CMSS1: variants seen among roughly 807,000 people sequenced by gnomAD.
CMSS1 encodes the protein protein CMSS1.
In CMSS1, 33 loss-of-function variants were observed where a neutral mutation model predicts 43.5. The observed-to-expected ratio is 0.76, with a 90% CI of 0.57 to 1.01. The LOEUF (loss-of-function observed/expected upper bound fraction) is 1.01. Among genes scored for constraint, CMSS1 ranks in the 50% least tolerant of loss-of-function variants. The pLI is 0.00. For missense variants in CMSS1, 313 were observed against 326.4 expected (o/e 0.96, Z 0.32); for synonymous variants, 115 against 117.2 (o/e 0.98, Z 0.12).
At chr3:100,101,551 C>G (rs935460256) in intron 1 of CMSS1, among the ~76,000 whole-genome samples, 3 of 151,954 alleles carry the variant, frequency 2.0e-5, no homozygotes, top group Admixed American at 2.0e-4. Context: ...ATAAATATAC[C>G]CTTCAAAGTA....
At chr3:99,996,138 C>A (rs541138897) in intron 1 of CMSS1, among the ~76,000 whole-genome samples, 48 of 152,322 alleles carry the variant, frequency 3.2e-4, no homozygotes, top group African/African-American at 1.2e-3. Flanking sequence ...ATGCCTATAA[C>A]AGCACCCAGG....
At chr3:99,964,974 A>T (rs1708605975) in intron 1 of CMSS1, among the ~76,000 whole-genome samples, 1 of 152,198 alleles carries the variant, frequency 6.6e-6, no homozygotes. Flanking sequence ...AAGAAACATG[A>T]TCCTTTTCAT....
At chr3:100,064,562 G>A (rs2065629774) in intron 1 of CMSS1, among the ~76,000 whole-genome samples, 1 of 152,144 alleles carries the variant, frequency 6.6e-6, no homozygotes, top group Non-Finnish European at 1.5e-5. Context: ...ATTATATGTA[G>A]AGAACTTTAA....
chr3:100,086,659 T>A (rs1468290277), intron 1 of CMSS1, among the ~76,000 whole-genome samples: 1 of 152,192 alleles, frequency 6.6e-6, no homozygotes, highest in Non-Finnish European at 1.5e-5. Flanking sequence ...CTTTAAATTT[T>A]TGATAAAAAT....
At chr3:99,981,615 T>A (rs1709127103) in intron 1 of CMSS1, among the ~76,000 whole-genome samples, 1 of 152,196 alleles carries the variant, frequency 6.6e-6, no homozygotes, top group Admixed American at 6.5e-5. Flanking sequence ...TATGTATGAA[T>A]CCCCGTTTTG....
intron 1 of CMSS1, among the ~76,000 whole-genome samples, chr3:99,858,514 A>G (rs765291580): frequency 6.6e-6 from 1 of 152,188 alleles, no homozygotes; most frequent in Non-Finnish European, 1.5e-5. Flanking sequence ...AAATAATAAT[A>G]AATCCATCAT....
At chr3:99,944,282 G>T (rs1245258163) in intron 1 of CMSS1, among the ~76,000 whole-genome samples, 2 of 152,174 alleles carry the variant, frequency 1.3e-5, no homozygotes, top group Non-Finnish European at 2.9e-5. Flanking sequence ...TTGTTTAGTA[G>T]AGAGGTGATA....
At chr3:100,159,790 C>G (rs1016795928) in intron 2 of CMSS1, 9 of 401,336 alleles carry the variant, frequency 2.2e-5, no homozygotes, top group Non-Finnish European at 4.6e-5. Flanking sequence ...ACTCAGGGGT[C>G]AAGGCAACAG....
At chr3:99,930,781 C>G in intron 1 of CMSS1, 3 of 1,613,296 alleles carry the variant, frequency 1.9e-6, no homozygotes, top group Non-Finnish European at 8.5e-7. Context: ...GCAGTTCTCC[C>G]TCCAGAATGC....
At chr3:100,150,537 C>T (rs1431494011) in intron 2 of CMSS1, among the ~76,000 whole-genome samples, 1 of 152,176 alleles carries the variant, frequency 6.6e-6, no homozygotes, top group Non-Finnish European at 1.5e-5. Flanking sequence ...CCCTCCTTTG[C>T]CATAGCTGGG....
At chr3:99,961,965 A>C (rs1305651655) in intron 1 of CMSS1, among the ~76,000 whole-genome samples, 1 of 152,198 alleles carries the variant, frequency 6.6e-6, no homozygotes, top group African/African-American at 2.4e-5. Context: ...TATTAATAGC[A>C]GAGTGGCAAG....
chr3:100,126,976 C>T (rs1198859859), intron 1 of CMSS1, among the ~76,000 whole-genome samples: 3 of 149,666 alleles, frequency 2.0e-5, no homozygotes, highest in East Asian at 2.0e-4. Context: ...CTAGCCTGGG[C>T]GACAGAGTGA....
chr3:100,126,911 T>C (rs1015507423), intron 1 of CMSS1, among the ~76,000 whole-genome samples: 38 of 151,618 alleles, frequency 2.5e-4, no homozygotes, highest in African/African-American at 8.7e-4. Flanking sequence ...GGCAGGAGAA[T>C]GGTGTGAACC....
chr3:100,022,327 A>G (rs2064840642), intron 1 of CMSS1, among the ~76,000 whole-genome samples: 1 of 152,164 alleles, frequency 6.6e-6, no homozygotes, highest in Admixed American at 6.5e-5. Flanking sequence ...GCCATGTCCA[A>G]TATCAGCCCT....
At chr3:100,027,659 A>C (rs1183004470) in intron 1 of CMSS1, among the ~76,000 whole-genome samples, 6 of 152,156 alleles carry the variant, frequency 3.9e-5, no homozygotes, top group Non-Finnish European at 4.4e-5. Context: ...TGCTGTTTAG[A>C]ATATGGAAAA....
chr3:100,057,312 G>C (rs1265852250), intron 1 of CMSS1, among the ~76,000 whole-genome samples: 4 of 152,202 alleles, frequency 2.6e-5, no homozygotes, highest in African/African-American at 9.7e-5. Context: ...TTTAAGGAAA[G>C]ATGACATGAT....
chr3:100,118,428 C>T (rs2066593651), intron 1 of CMSS1, among the ~76,000 whole-genome samples: 1 of 152,052 alleles, frequency 6.6e-6, no homozygotes, highest in Admixed American at 6.6e-5. Flanking sequence ...TTTTCACCTC[C>T]TGATCAGTCA....
At chr3:100,076,172 C>A (rs747502978) in intron 1 of CMSS1, among the ~76,000 whole-genome samples, 1 of 152,130 alleles carries the variant, frequency 6.6e-6, no homozygotes, top group Non-Finnish European at 1.5e-5. Context: ...AAAATGTAAA[C>A]AATAATTTTG....
intron 1 of CMSS1, among the ~76,000 whole-genome samples, chr3:99,962,030 G>A (rs6803204): frequency 0.73 from 111,670 of 151,980 alleles, 41,734 homozygotes; most frequent in African/African-American, 0.88. Context: ...AGGGATGTCG[G>A]GGAAATTTTT....
Sources: allele counts gnomAD v4.1 joint callset (sites outside exome capture counted in the v4.1 genomes callset), GRCh38; gene constraint gnomAD v4.1.1; transcripts MANE v1.5; gene names NCBI Gene and HGNC (gene_info 2026-07-23, HGNC 2026-07-21).